MPPED1: variants seen among roughly 807,000 people sequenced by gnomAD.
The protein encoded by MPPED1 is metallophosphoesterase domain-containing protein 1.
In MPPED1, 16 loss-of-function variants were observed where a neutral mutation model predicts 36.2. The observed-to-expected ratio is 0.44, with a 90% CI of 0.30 to 0.67. MPPED1 has a LOEUF of 0.67. Among genes scored for constraint, MPPED1 ranks in the 30% least tolerant of loss-of-function variants. The pLI, the probability that MPPED1 is intolerant of heterozygous loss-of-function variation, is 0.10. For missense variants in MPPED1, 307 were observed against 453.4 expected (o/e 0.68, Z 2.93); for synonymous variants, 199 against 191.3 (o/e 1.04, Z -0.33).
chr22:43,421,996 C>A (rs1219196924), intron 1 of MPPED1, among the ~76,000 whole-genome samples: 11 of 152,228 alleles, frequency 7.2e-5, no homozygotes, highest in Admixed American at 5.9e-4. Flanking sequence ...GGTCACAGAG[C>A]TGCTGGGGGC....
chr22:43,466,942 T>G (rs1428857579), intron 3 of MPPED1, among the ~76,000 whole-genome samples: 2 of 152,196 alleles, frequency 1.3e-5, no homozygotes, highest in African/African-American at 4.8e-5. Context: ...TAGAGAACTG[T>G]GAGTGTAAGC....
At chr22:43,497,024 G>T (rs1932427395) in intron 4 of MPPED1, among the ~76,000 whole-genome samples, 1 of 141,676 alleles carries the variant, frequency 7.1e-6, no homozygotes, top group Non-Finnish European at 1.5e-5. Context: ...AGTGGTGGTG[G>T]AAGTGGTGGT....
At chr22:43,438,023 G>A (rs1297479047) in intron 3 of MPPED1, among the ~76,000 whole-genome samples, 4 of 152,152 alleles carry the variant, frequency 2.6e-5, no homozygotes, top group Admixed American at 1.3e-4. Flanking sequence ...GAAACATTCC[G>A]TCATCCTATT....
chr22:43,471,667 C>T (rs550160816), intron 3 of MPPED1, among the ~76,000 whole-genome samples: 3 of 152,346 alleles, frequency 2.0e-5, no homozygotes, highest in East Asian at 3.9e-4. Context: ...CCTCTTCCCT[C>T]CTCTCCGCAG....
At chr22:43,448,247 A>G (rs1239803541) in intron 3 of MPPED1, among the ~76,000 whole-genome samples, 1 of 152,150 alleles carries the variant, frequency 6.6e-6, no homozygotes, top group East Asian at 1.9e-4. Flanking sequence ...TTCCTGAGAG[A>G]GTGGAGAAGC....
chr22:43,503,817 A>C (rs1443174321), intron 6 of MPPED1, among the ~76,000 whole-genome samples: 1 of 152,170 alleles, frequency 6.6e-6, no homozygotes, highest in Non-Finnish European at 1.5e-5. Flanking sequence ...CCTTTGACCC[A>C]AACCACACCC....
intron 1 of MPPED1, among the ~76,000 whole-genome samples, chr22:43,421,656 A>C (rs529088194): frequency 2.0e-5 from 3 of 152,314 alleles, no homozygotes; most frequent in Admixed American, 2.0e-4. Flanking sequence ...TCTGCTGGGC[A>C]CCAGGCAAAG....
chr22:43,431,487 A>G (rs1929686672), intron 2 of MPPED1, among the ~76,000 whole-genome samples: 2 of 152,186 alleles, frequency 1.3e-5, no homozygotes, highest in Admixed American at 1.3e-4. Context: ...ATTTAGAGGC[A>G]TTCAGTAAGA....
chr22:43,434,511 G>T (rs550619430), intron 2 of MPPED1, among the ~76,000 whole-genome samples: 3 of 152,356 alleles, frequency 2.0e-5, no homozygotes, highest in Admixed American at 2.0e-4. Flanking sequence ...GTAAAATCTG[G>T]TGCTTGGGGA....
In MPPED1 at chr22:43,505,383, G is replaced by A. The variant is rs73428381; in HGVS notation, c.863-115G>A. Reference sequence around the variant, plus strand: ...AGGGACTGACCTCGAGAGTTTACCAGCTTGCCCCAAACACATTCAGCCCAC... The same window carrying A: ...AGGGACTGACCTCGAGAGTTTACCAACTTGCCCCAAACACATTCAGCCCAC... On this transcript the variant is annotated intron_variant, in intron 6 of 6. Transcript: ENST00000443721. 3.9e-3 allele frequency: 3,107 copies of A among 805,230 alleles called. 80 individuals carry two copies. In the African/African-American group the frequency reaches 0.048, roughly 12 times the overall value. The allele number at this position is 805,230 out of a possible 1,614,324, so 49.9% of individuals were successfully genotyped here. A position where few individuals can be genotyped will look rare whatever the true frequency, so the allele number is the denominator to read the frequency against.
At chr22:43,430,601 T>A (rs1415759671) in intron 2 of MPPED1, among the ~76,000 whole-genome samples, 1 of 152,010 alleles carries the variant, frequency 6.6e-6, no homozygotes, top group Non-Finnish European at 1.5e-5. Context: ...GAGATGGGTG[T>A]CAGGTCTCAG....
At chr22:43,417,143 A>G (rs189686177) in intron 1 of MPPED1, 8 of 427,612 alleles carry the variant, frequency 1.9e-5, no homozygotes, top group Non-Finnish European at 2.5e-5. Flanking sequence ...CATAATTCAA[A>G]ATGGGCCCAG....
At chr22:43,431,654 T>A (rs1333716469) in intron 2 of MPPED1, among the ~76,000 whole-genome samples, 1 of 152,222 alleles carries the variant, frequency 6.6e-6, no homozygotes, top group East Asian at 1.9e-4. Flanking sequence ...CTTGGTTTGC[T>A]CACCTGTAAA....
intron 3 of MPPED1, among the ~76,000 whole-genome samples, chr22:43,473,103 G>T (rs866206903): frequency 1.3e-5 from 2 of 152,218 alleles, no homozygotes; most frequent in Non-Finnish European, 2.9e-5. Context: ...TCTGGAATTT[G>T]GTTCCCCATG....
chr22:43,420,480 A>G lies in MPPED1; in HGVS notation c.-78-4428A>G, dbSNP rs183568176. 5.7e-4 allele frequency among the ~76,000 whole-genome samples: 86 copies of G among 151,654 alleles called. 1 individual carries two copies. The Middle Eastern group carries it at 0.01, about 18-fold the overall frequency. On this transcript the variant is annotated intron_variant, in intron 1 of 6. Transcript: ENST00000443721. ...AGTGCAGTGGCACGATCTCGGCTGA[A>G]TGCAACCTCCACCTCCCCGGTTCAT...
intron 3 of MPPED1, among the ~76,000 whole-genome samples, chr22:43,468,636 C>G (rs1364354876): frequency 1.3e-5 from 2 of 152,166 alleles, no homozygotes; most frequent in African/African-American, 2.4e-5. Flanking sequence ...GTCCAATCAG[C>G]AGCATGGATT....
intron 4 of MPPED1, among the ~76,000 whole-genome samples, chr22:43,488,893 C>A (rs1258876577): frequency 6.6e-6 from 1 of 152,196 alleles, no homozygotes. Flanking sequence ...GGATCCTGGA[C>A]CCTCAGGGTG....
intron 3 of MPPED1, among the ~76,000 whole-genome samples, chr22:43,447,299 G>C (rs1347866045): frequency 6.6e-6 from 1 of 152,204 alleles, no homozygotes; most frequent in Non-Finnish European, 1.5e-5. Flanking sequence ...AACATGGAGA[G>C]AGGTGTTTGG....
chr22:43,465,479 G>A (rs927923639), intron 3 of MPPED1, among the ~76,000 whole-genome samples: 2 of 152,378 alleles, frequency 1.3e-5, no homozygotes, highest in Admixed American at 1.3e-4. Context: ...TGTGTGTTGA[G>A]TGTGTACTTA....
Sources: allele counts gnomAD v4.1 joint callset (sites outside exome capture counted in the v4.1 genomes callset), GRCh38; gene constraint gnomAD v4.1.1; transcripts MANE v1.5; gene names NCBI Gene and HGNC (gene_info 2026-07-23, HGNC 2026-07-21).